The following MYT1L variants were observed in gnomAD, a reference collection of about 807,000 sequenced individuals.
The protein encoded by MYT1L is myelin transcription factor 1-like protein.
A neutral mutation model predicts 126.7 loss-of-function variants in MYT1L; 12 were observed. That is an observed-to-expected ratio of 0.09 (90% CI 0.06 to 0.15). MYT1L has a LOEUF of 0.15. Among genes scored for constraint, MYT1L ranks in the 10% least tolerant of loss-of-function variants. MYT1L has a pLI of 1.00. For missense variants in MYT1L, 979 were observed against 1,585.2 expected (o/e 0.62, Z 6.49); for synonymous variants, 541 against 604.2 (o/e 0.90, Z 1.53).
chr2:2,307,234 A>C (rs903846364), intron 1 of MYT1L, among the ~76,000 whole-genome samples: 3 of 152,186 alleles, frequency 2.0e-5, no homozygotes, highest in African/African-American at 7.2e-5. Flanking sequence ...TCTGTATGAA[A>C]TAGAAAGACT....
At chr2:2,323,563 C>T (rs1209013059) in intron 1 of MYT1L, among the ~76,000 whole-genome samples, 5 of 152,130 alleles carry the variant, frequency 3.3e-5, no homozygotes. Flanking sequence ...AATATTAAAA[C>T]ACCCATATTG....
chr2:2,290,181 G>A (rs549091184), intron 1 of MYT1L, among the ~76,000 whole-genome samples: 1 of 152,300 alleles, frequency 6.6e-6, no homozygotes, highest in East Asian at 1.9e-4. Flanking sequence ...CTAGAACCTT[G>A]TCTTGGAACT....
At chr2:2,101,715 G>GCCAT (rs1186987293) in intron 3 of MYT1L, among the ~76,000 whole-genome samples, 1 of 151,368 alleles carries the variant, frequency 6.6e-6, no homozygotes, top group East Asian at 1.9e-4. Context: ...AATCCATCCA[G>GCCAT]CCATCCATCC....
At chr2:1,951,239 T>C (rs546735179) in intron 8 of MYT1L, among the ~76,000 whole-genome samples, 1 of 152,064 alleles carries the variant, frequency 6.6e-6, no homozygotes, top group East Asian at 1.9e-4. Context: ...GTGGATGTTG[T>C]AGACATGGTG....
At chr2:2,301,816 C>T (rs2095790508) in intron 1 of MYT1L, among the ~76,000 whole-genome samples, 1 of 146,592 alleles carries the variant, frequency 6.8e-6, no homozygotes, top group African/African-American at 2.5e-5. Context: ...AACAGAGACC[C>T]TGTCTGTCTA....
intron 2 of MYT1L, among the ~76,000 whole-genome samples, chr2:2,264,716 G>A (rs1315847802): frequency 2.0e-5 from 3 of 152,116 alleles, no homozygotes; most frequent in Admixed American, 6.5e-5. Context: ...AGACTTGAAC[G>A]TCAGTGGAAG....
chr2:2,175,498 C>G (rs1446535333), intron 2 of MYT1L, among the ~76,000 whole-genome samples: 1 of 152,012 alleles, frequency 6.6e-6, no homozygotes, highest in Non-Finnish European at 1.5e-5. Context: ...AAGATGAGAG[C>G]TACACGTTGA....
intron 1 of MYT1L, among the ~76,000 whole-genome samples, chr2:2,323,425 C>T (rs528803940): frequency 6.6e-6 from 1 of 152,198 alleles, no homozygotes; most frequent in South Asian, 2.1e-4. Flanking sequence ...TGAGTTCTAC[C>T]TAAAAAGCAG....
chr2:1,849,633 C>G (rs532407804), intron 19 of MYT1L, among the ~76,000 whole-genome samples: 1 of 152,338 alleles, frequency 6.6e-6, no homozygotes, highest in East Asian at 1.9e-4. Context: ...GAGGACGGCC[C>G]CCACGGCAAA....
At chr2:1,949,108 G>A (rs1035751791) in intron 8 of MYT1L, among the ~76,000 whole-genome samples, 5 of 152,094 alleles carry the variant, frequency 3.3e-5, no homozygotes, top group Admixed American at 3.3e-4. Context: ...TTTTTCCAGA[G>A]TGTGTCCATA....
chr2:1,964,666 A>G (rs1206151641), intron 8 of MYT1L, among the ~76,000 whole-genome samples: 2 of 152,224 alleles, frequency 1.3e-5, no homozygotes, highest in Non-Finnish European at 2.9e-5. Flanking sequence ...ACATTTTTAG[A>G]TACTATTTAA....
chr2:2,215,542 G>A (rs1170585760), intron 2 of MYT1L, among the ~76,000 whole-genome samples: 2 of 152,138 alleles, frequency 1.3e-5, no homozygotes, highest in Non-Finnish European at 2.9e-5. Flanking sequence ...AGCAAAAACT[G>A]AAAGCACTAC....
Position 1,874,989 on chromosome 2 carries a change from T to C in MYT1L, c.2711+11550A>G, listed in dbSNP as rs570398839. ...ATCCGTGGTCCTCCCTCCAGAGTCC[T>C]TGCGTTCCTCACAGAGCTGTTTGGT... On this transcript the variant is annotated intron_variant, in intron 18 of 24. Coordinates refer to ENST00000647738, the MANE Select transcript of MYT1L (RefSeq NM_001303052.2). Among the ~76,000 whole-genome samples, 66 of 152,306 alleles carry C rather than the reference T, an allele frequency of 4.3e-4. 1 individual carries two copies. Among genetic ancestry groups the C allele is most frequent in the Admixed American group, 1.4e-3 (21 of 15,302 alleles).
intron 2 of MYT1L, among the ~76,000 whole-genome samples, chr2:2,214,818 T>C (rs2093632829): frequency 6.6e-6 from 1 of 152,180 alleles, no homozygotes; most frequent in African/African-American, 2.4e-5. Flanking sequence ...AAATGCATCA[T>C]ATACTTTTCT....
chr2:2,242,089 CAGAG>C (rs1448109475), intron 2 of MYT1L, among the ~76,000 whole-genome samples: 2 of 152,012 alleles, frequency 1.3e-5, no homozygotes, highest in African/African-American at 4.8e-5. Context: ...GGAGGAAAAA[CAGAG>C]AGGAAAAGGA....
chr2:2,295,685 CAG>C (rs201138507), intron 1 of MYT1L, among the ~76,000 whole-genome samples: 4,454 of 18,156 alleles, frequency 0.25, 237 homozygotes, highest in Non-Finnish European at 0.31. Flanking sequence ...GAGAGACAGA[CAG>C]AGAGAGAGAG....
chr2:2,038,649 A>G (rs1179399743), intron 4 of MYT1L, among the ~76,000 whole-genome samples: 4 of 151,854 alleles, frequency 2.6e-5, no homozygotes, highest in Admixed American at 6.5e-5. Flanking sequence ...AAGTAATGTG[A>G]CGTTGCTTGT....
At chr2:1,813,299 C>T (rs1443173176) in intron 21 of MYT1L, among the ~76,000 whole-genome samples, 1 of 102,398 alleles carries the variant, frequency 9.8e-6, no homozygotes, top group Admixed American at 1.0e-4. Flanking sequence ...CAGTCCAGGT[C>T]TGTGCTTCTT....
Position 2,244,182 on chromosome 2 carries a change from T to C in MYT1L, c.-421+40222A>G, listed in dbSNP as rs547498703. Among the ~76,000 whole-genome samples the C allele has an allele frequency of 1.1e-4, 16 of 152,312 alleles. No individual in the cohort carries two copies. In the East Asian group the frequency reaches 3.1e-3, roughly 29 times the overall value. On this transcript the variant is annotated intron_variant, in intron 2 of 24. Transcript: ENST00000647738. ...CACCTGCTTTTATGAAAAGTCACAA[T>C]CTGGGAAAATGCTGACCGGTCTTTG...
Sources: gnomAD v4.1 joint callset for allele counts (sites outside exome capture counted in the v4.1 genomes callset) on GRCh38, gnomAD v4.1.1 for gene constraint, MANE v1.5 for transcripts, NCBI Gene and HGNC (gene_info 2026-07-23, HGNC 2026-07-21) for gene names.